Variants in GRIN2A observed in about 807,000 individuals in gnomAD.
GRIN2A encodes the protein glutamate ionotropic receptor NMDA type subunit 2A, also known as glutamate receptor ionotropic, NMDA 2A.
GRIN2A carries 22 observed loss-of-function variants against 113.4 expected under a neutral mutation model. The ratio of observed to expected loss-of-function variants is 0.19; its 90% confidence interval spans 0.14 to 0.28. The LOEUF is 0.28. Ranked by LOEUF, GRIN2A falls within the 10% of genes least tolerant of loss-of-function variation. GRIN2A has a pLI of 1.00. For synonymous variants in GRIN2A, 827 were observed against 738.4 expected, an observed-to-expected ratio of 1.12 and a Z score of -1.94; for missense variants, 1,502 against 1,887.0, an observed-to-expected ratio of 0.80 and a Z score of 3.78.
At chr16:10,088,695 T>C (rs190880134) in intron 2 of GRIN2A, among the ~76,000 whole-genome samples, 227 of 152,346 alleles carry the variant, frequency 1.5e-3, no homozygotes, top group African/African-American at 5.3e-3. Flanking sequence ...CTCGGCTGTG[T>C]TGTGCGAAGC....
intron 2 of GRIN2A, among the ~76,000 whole-genome samples, chr16:10,166,399 C>A (rs879471572): frequency 2.0e-5 from 3 of 152,180 alleles, no homozygotes; most frequent in Non-Finnish European, 4.4e-5. Flanking sequence ...ATTGTGAACT[C>A]AATTCTGCTC....
intron 2 of GRIN2A, among the ~76,000 whole-genome samples, chr16:10,077,229 A>G (rs2047889826): frequency 6.6e-6 from 1 of 152,212 alleles, no homozygotes; most frequent in African/African-American, 2.4e-5. Flanking sequence ...GATGTGGGTG[A>G]CCAGTAGGAT....
intron 4 of GRIN2A, among the ~76,000 whole-genome samples, chr16:9,853,517 A>G (rs2042918786): frequency 2.0e-5 from 3 of 152,284 alleles, no homozygotes; most frequent in African/African-American, 7.2e-5. Context: ...TGGCACCTTG[A>G]TTTGGACTTC....
At position 10,053,446 on chromosome 16, in the gene GRIN2A, G is replaced by A. The variant is rs546880613; in HGVS notation, c.415-114895C>T. On this transcript the variant is annotated intron_variant, in intron 2 of 12. Transcript: ENST00000330684. ...CAGCCAGCTAGCAAGAGAAGAGCTG[G>A]AGCTTAAACCTGAAATGTGTGCCTC... is the stretch of plus-strand genomic sequence containing the variant. Among the ~76,000 whole-genome samples, 5 of 152,308 alleles carry A rather than the reference G, an allele frequency of 3.3e-5. No homozygotes were observed. In the East Asian group the frequency reaches 9.6e-4, roughly 29 times the overall value.
rs1436478312 is a variant in GRIN2A at position 9,822,472 on chromosome 16, A to T, written c.2008-48T>A. 3 of 1,274,492 alleles carry T rather than the reference A, an allele frequency of 2.4e-6. No individual in the cohort carries two copies. The East Asian group carries it at 7.0e-5, about 30-fold the overall frequency. 78.9% of individuals were successfully genotyped at this position (1,274,492 alleles called of 1,614,324 possible). On this transcript the variant is annotated intron_variant, in intron 9 of 12. Coordinates refer to ENST00000330684, the MANE Select transcript of GRIN2A (RefSeq NM_001134407.3). ...AGAGAGAGAGTAGGAAAAGAAAGAG[A>T]AGGGAGGAGGGGGAGGAGAGAACAA...
At chr16:9,954,055 C>T (rs548641853) in intron 2 of GRIN2A, among the ~76,000 whole-genome samples, 2 of 152,122 alleles carry the variant, frequency 1.3e-5, no homozygotes, top group African/African-American at 2.4e-5. Flanking sequence ...TCTTTTTTCC[C>T]CATTCCCCAA....
intron 9 of GRIN2A, among the ~76,000 whole-genome samples, chr16:9,822,909 AC>A (rs2141296298): frequency 6.6e-6 from 1 of 152,232 alleles, no homozygotes; most frequent in South Asian, 2.1e-4. Flanking sequence ...CCTTCACCTC[AC>A]CCAGAAAATG....
chr16:9,890,699 C>G (rs2043675653), intron 4 of GRIN2A, among the ~76,000 whole-genome samples: 1 of 152,200 alleles, frequency 6.6e-6, no homozygotes, highest in Admixed American at 6.5e-5. Context: ...ATGCTGCAAC[C>G]CAGACTTCAC....
intron 10 of GRIN2A, among the ~76,000 whole-genome samples, chr16:9,810,022 C>T (rs1008453060): frequency 1.3e-4 from 20 of 152,130 alleles, no homozygotes; most frequent in African/African-American, 4.1e-4. Flanking sequence ...GGGCCGAGAT[C>T]GCGCCGTTGC....
At chr16:10,058,696 G>A (rs1437735199) in intron 2 of GRIN2A, among the ~76,000 whole-genome samples, 1 of 152,152 alleles carries the variant, frequency 6.6e-6, no homozygotes, top group Admixed American at 6.5e-5. Context: ...CCCCTTAGGG[G>A]CCCGTTTATG....
At chr16:10,007,921 A>C (rs936109537) in intron 2 of GRIN2A, among the ~76,000 whole-genome samples, 2 of 152,190 alleles carry the variant, frequency 1.3e-5, no homozygotes, top group African/African-American at 4.8e-5. Context: ...ATCTTTAAAA[A>C]AGCTTACTCT....
At chr16:10,052,159 T>C (rs553481317) in intron 2 of GRIN2A, among the ~76,000 whole-genome samples, 1 of 152,342 alleles carries the variant, frequency 6.6e-6, no homozygotes, top group East Asian at 1.9e-4. Context: ...AATTCTACTG[T>C]AGGAGGAAAT....
intron 2 of GRIN2A, among the ~76,000 whole-genome samples, chr16:10,082,120 T>C (rs149395883): frequency 7.9e-5 from 12 of 152,320 alleles, no homozygotes; most frequent in East Asian, 5.8e-4. Flanking sequence ...CTGTCTCCAG[T>C]GGTTCCACTT....
rs1567274308 is a variant in GRIN2A, at chr16:9,762,667, A to G, written c.*482T>C. On this transcript the variant is annotated 3_prime_UTR_variant, in exon 13 of 13. Coordinates refer to ENST00000330684, the MANE Select transcript of GRIN2A (RefSeq NM_001134407.3). ...CTCTTGCACATGTCAATCGCACTAC[A>G]GTGCAGATGCATTCTTAACTGTTTT... The G allele has an allele frequency of 3.8e-6, 1 of 263,146 alleles. No individual in the cohort carries two copies. 16.3% of individuals were successfully genotyped at this position (263,146 alleles called of 1,614,324 possible).
intron 2 of GRIN2A, among the ~76,000 whole-genome samples, chr16:9,991,332 C>T (rs553671996): frequency 6.6e-6 from 1 of 152,290 alleles, no homozygotes; most frequent in African/African-American, 2.4e-5. Context: ...CCTCTGGCTC[C>T]AGGGTTCAGC....
intron 10 of GRIN2A, among the ~76,000 whole-genome samples, chr16:9,810,695 G>A (rs2042069962): frequency 1.3e-5 from 2 of 152,290 alleles, no homozygotes; most frequent in Admixed American, 1.3e-4. Context: ...GAGGGAGCAA[G>A]GCCCTGCTAA....
At chr16:10,022,404 C>T (rs1207395307) in intron 2 of GRIN2A, among the ~76,000 whole-genome samples, 1 of 152,158 alleles carries the variant, frequency 6.6e-6, no homozygotes, top group Non-Finnish European at 1.5e-5. Flanking sequence ...CCCACCTTGA[C>T]ATGTCTACAA....
intron 2 of GRIN2A, among the ~76,000 whole-genome samples, chr16:10,034,686 GTCTA>G (rs75230505): frequency 0.21 from 32,107 of 151,662 alleles, 4,083 homozygotes; most frequent in East Asian, 0.52. Flanking sequence ...AAGAAAACTG[GTCTA>G]TCTATTCAGG....
intron 2 of GRIN2A, among the ~76,000 whole-genome samples, chr16:10,052,870 A>G (rs559068401): frequency 2.6e-5 from 4 of 152,232 alleles, no homozygotes; most frequent in African/African-American, 9.6e-5. Flanking sequence ...CAACATGGTG[A>G]AACCTCATCT....
Sources: allele counts gnomAD v4.1 joint callset (sites outside exome capture counted in the v4.1 genomes callset), GRCh38; gene constraint gnomAD v4.1.1; transcripts MANE v1.5; gene names NCBI Gene and HGNC (gene_info 2026-07-23, HGNC 2026-07-21).